The following CDK13 variants were observed in gnomAD, a reference collection of about 807,000 sequenced individuals.
CDK13 encodes cyclin-dependent kinase 13.
CDK13 carries 40 observed loss-of-function variants against 137.6 expected under a neutral mutation model. The ratio of observed to expected loss-of-function variants is 0.29; its 90% confidence interval spans 0.23 to 0.38. The LOEUF is 0.38. Ranked by LOEUF, CDK13 falls within the 10% of genes least tolerant of loss-of-function variation. The probability of loss-of-function intolerance (pLI) is 1.00; values close to 1 mark genes in which losing one functional copy is unlikely to be tolerated. For synonymous variants in CDK13, 869 were observed against 760.1 expected, an observed-to-expected ratio of 1.14 and a Z score of -2.36; for missense variants, 1,704 against 1,951.8, an observed-to-expected ratio of 0.87 and a Z score of 2.39.
At chr7:39,970,260 G>T (rs1562704214) in intron 1 of CDK13, among the ~76,000 whole-genome samples, 1 of 151,818 alleles carries the variant, frequency 6.6e-6, no homozygotes, top group Non-Finnish European at 1.5e-5. Flanking sequence ...GCCTCCCAAA[G>T]TGCTGGGATT....
intron 1 of CDK13, among the ~76,000 whole-genome samples, chr7:39,954,645 A>G (rs889295314): frequency 6.6e-6 from 1 of 152,276 alleles, no homozygotes; most frequent in African/African-American, 2.4e-5. Context: ...ACCATGTGTA[A>G]TGCTGTAAGA....
chr7:39,964,137 A>G (rs1171534010), intron 1 of CDK13, among the ~76,000 whole-genome samples: 1 of 152,198 alleles, frequency 6.6e-6, no homozygotes, highest in Non-Finnish European at 1.5e-5. Context: ...GCCTCATAAA[A>G]TGAGTTAGGG....
chr7:40,072,022 A>G (rs1177111631), intron 9 of CDK13: 1 of 152,246 alleles, frequency 6.6e-6, no homozygotes, highest in Non-Finnish European at 1.5e-5. Flanking sequence ...ATTTTGTTGT[A>G]CAGTAGAAGT....
intron 1 of CDK13, among the ~76,000 whole-genome samples, chr7:39,974,721 G>A (rs950182676): frequency 1.3e-5 from 2 of 151,926 alleles, no homozygotes; most frequent in African/African-American, 4.8e-5. Flanking sequence ...GTGCCACCAT[G>A]GCTGGCTAAT....
At chr7:39,996,961 C>CAAAAAAAAAAAAAAAAAAAAAAAA (rs72210233) in intron 2 of CDK13, among the ~76,000 whole-genome samples, 5 of 83,252 alleles carry the variant, frequency 6.0e-5, no homozygotes, top group African/African-American at 3.9e-4. Context: ...GATTCCATCT[C>CAAAAAAAAAAAAAAAAAAAAAAAA]AAAAAAAAAA....
chr7:40,012,141 A>C (rs1784908683), intron 5 of CDK13, among the ~76,000 whole-genome samples: 1 of 152,092 alleles, frequency 6.6e-6, no homozygotes, highest in South Asian at 2.1e-4. Context: ...AACAACAACA[A>C]AAAAAACCCT....
At chr7:40,078,888 TTATTA>T (rs1786603517) in intron 11 of CDK13, 37 bp downstream of exon 11, 1 of 729,996 alleles carries the variant, frequency 1.4e-6, no homozygotes, top group Non-Finnish European at 1.8e-6. Context: ...TTATATATTA[TTATTA>T]TATTTATTAT....
At chr7:39,993,928 G>C (rs1028750758) in intron 2 of CDK13, among the ~76,000 whole-genome samples, 3 of 152,068 alleles carry the variant, frequency 2.0e-5, no homozygotes, top group Non-Finnish European at 2.9e-5. Flanking sequence ...GTTTTGGATA[G>C]TGTCAATTTT....
At chr7:39,967,781 C>T (rs1234590197) in intron 1 of CDK13, among the ~76,000 whole-genome samples, 1 of 152,098 alleles carries the variant, frequency 6.6e-6, no homozygotes, top group Non-Finnish European at 1.5e-5. Context: ...GCTAGCCATT[C>T]TAACAGGTGG....
intron 11 of CDK13, among the ~76,000 whole-genome samples, chr7:40,081,204 C>T (rs896499294): frequency 1.3e-5 from 2 of 151,996 alleles, no homozygotes; most frequent in African/African-American, 4.8e-5. Context: ...GTTTGGGGGG[C>T]AAGAATGTAA....
chr7:40,092,791 C>G lies in CDK13; in HGVS notation c.3242C>G (p.Thr1081Arg), dbSNP rs771387264. Reference protein sequence around the residue: ...QGSSNVAPVKTGPGQHLNHSE... With the variant: ...QGSSNVAPVKRGPGQHLNHSE... ...AATATAATTTTGTCTTTAGTAAAAA[C>G]AGGCCCTGGACAGCACTTAAACCAC... The change falls in exon 13 of 14, where the codon ACA (threonine) becomes AGA (arginine). Residue 1081 changes from threonine (T) to arginine (R), a missense_variant. Coordinates refer to ENST00000181839, the MANE Select transcript of CDK13 (RefSeq NM_003718.5). 1 of 1,609,648 alleles carries G rather than the reference C, an allele frequency of 6.2e-7. No individual in the cohort carries two copies. The highest frequency in any genetic ancestry group is 8.5e-7 in the Non-Finnish European group (1 of 1,177,944).
chr7:40,051,032 G>A (rs1427421305), intron 7 of CDK13, among the ~76,000 whole-genome samples: 5 of 152,056 alleles, frequency 3.3e-5, no homozygotes, highest in South Asian at 4.1e-4. Context: ...TTGGAGTGCC[G>A]GGGTGTGGTG....
At chr7:40,021,877 A>G (rs1373276150) in intron 5 of CDK13, among the ~76,000 whole-genome samples, 1 of 152,232 alleles carries the variant, frequency 6.6e-6, no homozygotes, top group African/African-American at 2.4e-5. Context: ...TTTGATTTTA[A>G]CAGGATGTAG....
intron 12 of CDK13, 147 bp from the exon 13 acceptor site, chr7:40,092,638 C>A: frequency 1.6e-6 from 1 of 615,046 alleles, no homozygotes; most frequent in Non-Finnish European, 2.9e-6. Context: ...TGATATTTAA[C>A]TAGACTTGAG....
At chr7:40,051,412 A>G (rs1785885100) in intron 7 of CDK13, among the ~76,000 whole-genome samples, 1 of 152,150 alleles carries the variant, frequency 6.6e-6, no homozygotes, top group South Asian at 2.1e-4. Context: ...TAACAGATTT[A>G]TTGTATTGTC....
intron 2 of CDK13, 147 bp from the exon 3 acceptor site, chr7:39,997,347 T>C: frequency 3.0e-6 from 2 of 672,960 alleles, no homozygotes; most frequent in Non-Finnish European, 5.0e-6. Context: ...TGTATTACTT[T>C]AGCTGGAAAG....
chr7:40,054,719 C>T (rs529422251), intron 7 of CDK13, among the ~76,000 whole-genome samples: 6 of 152,302 alleles, frequency 3.9e-5, no homozygotes, highest in East Asian at 1.9e-4. Context: ...GGGTCAGCCA[C>T]GGCACCTGGC....
intron 2 of CDK13, among the ~76,000 whole-genome samples, chr7:39,990,362 A>G (rs1369760834): frequency 6.6e-6 from 1 of 151,996 alleles, no homozygotes; most frequent in Non-Finnish European, 1.5e-5. Context: ...CTTCTACTAC[A>G]TGTCTGTGTG....
intron 7 of CDK13, among the ~76,000 whole-genome samples, chr7:40,052,956 G>A (rs1785926061): frequency 6.6e-6 from 1 of 151,716 alleles, no homozygotes; most frequent in African/African-American, 2.4e-5. Flanking sequence ...TTGGAACCAT[G>A]GTAATAAAAA....
Sources: allele counts gnomAD v4.1 joint callset (sites outside exome capture counted in the v4.1 genomes callset), GRCh38; gene constraint gnomAD v4.1.1; transcripts MANE v1.5; gene names NCBI Gene and HGNC (gene_info 2026-07-23, HGNC 2026-07-21).